The following EVC2 variants were observed in gnomAD, a reference collection of about 807,000 sequenced individuals.
EVC2 encodes limbin.
Under a neutral mutation model 149.3 loss-of-function variants are expected in EVC2, and 148 were observed. That is an observed-to-expected ratio of 0.99 (90% confidence interval 0.87 to 1.14). The LOEUF (loss-of-function observed/expected upper bound fraction) is 1.14. Among genes scored for constraint, EVC2 ranks in the 50% most tolerant of loss-of-function variants. The probability of loss-of-function intolerance (pLI) is 0.00; values close to 1 mark genes in which losing one functional copy is unlikely to be tolerated. For missense variants in EVC2, 1,854 were observed against 1,627.3 expected, an observed-to-expected ratio of 1.14 and a Z score of -2.40; for synonymous variants, 776 against 649.9, an observed-to-expected ratio of 1.19 and a Z score of -2.95.
chr4:5,595,660 C>T (rs993265421), intron 16 of EVC2, among the ~76,000 whole-genome samples: 8 of 152,152 alleles, frequency 5.3e-5, no homozygotes, highest in Admixed American at 2.6e-4. Context: ...ACTGCATCAA[C>T]TAACGAGCAA....
At chr4:5,546,300 A>C (rs1454103088) in intron 21 of EVC2, among the ~76,000 whole-genome samples, 1 of 152,244 alleles carries the variant, frequency 6.6e-6, no homozygotes, top group Non-Finnish European at 1.5e-5. Context: ...AATAGCAAAG[A>C]CTTGGAACCA....
intron 10 of EVC2, among the ~76,000 whole-genome samples, chr4:5,638,086 G>A (rs1273711216): frequency 6.6e-6 from 1 of 151,854 alleles, no homozygotes; most frequent in South Asian, 2.1e-4. Flanking sequence ...CATGTATTAC[G>A]TTTAAAGGTA....
At chr4:5,651,885 T>C (rs955354293) in intron 9 of EVC2, among the ~76,000 whole-genome samples, 2 of 152,242 alleles carry the variant, frequency 1.3e-5, no homozygotes, top group East Asian at 1.9e-4. Flanking sequence ...ATTTCCATCA[T>C]TGTCCCAGGT....
Position 5,694,805 on chromosome 4 carries a change from C to T in EVC2, c.284-304G>A, listed in dbSNP as rs551835920. 5.8e-4 allele frequency among the ~76,000 whole-genome samples: 88 copies of T among 152,322 alleles called. 2 individuals carry two copies. The highest frequency in any genetic ancestry group is 1.2e-3 in the Admixed American group (18 of 15,302). On this transcript the variant is annotated intron_variant, in intron 2 of 21. Transcript: ENST00000344408. ...TGATGCCTGGGTTGATTCTTACACA[C>T]ATGACATTAGACAGCCCTGGGCTTG...
the EVC2 span, among the ~76,000 whole-genome samples, chr4:5,534,112 A>G: frequency 8.0e-5 from 12 of 149,564 alleles, no homozygotes; most frequent in East Asian, 6.0e-4. Flanking sequence ...TTTAAAAAAG[A>G]TCAGCCTGGC....
At chr4:5,600,422 C>T (rs927096539) in intron 16 of EVC2, among the ~76,000 whole-genome samples, 11 of 152,112 alleles carry the variant, frequency 7.2e-5, no homozygotes, top group Non-Finnish European at 1.5e-4. Context: ...GAGGTTTCTT[C>T]ATTTCTAATG....
rs561514696 is a variant in EVC2, at chr4:5,687,143, G to T, written c.707-1664C>A. Among the ~76,000 whole-genome samples the T allele has an allele frequency of 5.9e-5, 9 of 152,278 alleles. No individual in the cohort carries two copies. In the South Asian group the frequency reaches 1.9e-3, roughly 32 times the overall value. On this transcript the variant is annotated intron_variant, in intron 5 of 21. Transcript: ENST00000344408. The stretch of plus-strand genomic sequence containing the variant: ...ATGGTGGCACACGCCTGTAGACCCA[G>T]CTACTTGGGAGGCTGAGGCAGGAGA...
At chr4:5,573,392 G>A (rs1414911768) in intron 19 of EVC2, among the ~76,000 whole-genome samples, 2 of 152,178 alleles carry the variant, frequency 1.3e-5, no homozygotes, top group African/African-American at 4.8e-5. Flanking sequence ...GAGGATGGAA[G>A]AAGGGCCAGA....
At chr4:5,634,826 T>C (rs921437244) in intron 10 of EVC2, among the ~76,000 whole-genome samples, 3 of 152,008 alleles carry the variant, frequency 2.0e-5, no homozygotes, top group Non-Finnish European at 4.4e-5. Flanking sequence ...TGAGGCTGCC[T>C]GGTGTGACAG....
intron 8 of EVC2, among the ~76,000 whole-genome samples, chr4:5,664,811 C>G (rs1340084045): frequency 3.3e-5 from 5 of 152,186 alleles, no homozygotes; most frequent in African/African-American, 7.2e-5. Flanking sequence ...CACCACCTCC[C>G]CTTTTGTCCT....
chr4:5,576,404 C>T lies in EVC2; in HGVS notation c.3108G>A (p.Glu1036=), dbSNP rs1722937690. 1 of 1,613,006 alleles carries T rather than the reference C, an allele frequency of 6.2e-7. No homozygotes were observed. The highest frequency in any genetic ancestry group is 1.3e-5 in the African/African-American group (1 of 74,908). ...RKLEDQLVQQ[E]AAQQQQALAS... is the part of the protein sequence containing the mutation. ...CCAGGGCCTGCTGCTGCTGGGCTGC[C>T]TCCTGCTGCACCAGCTGGTCCTCCA... The change falls in exon 18 of 22, where the codon GAG becomes GAA. Residue 1036 remains glutamate, a synonymous_variant. Transcript: ENST00000344408. This position sits in a 1 kb window ranked among gnomAD's most constrained non-coding sequence, Gnocchi z 4.5.
chr4:5,577,657 A>T (rs920569095), intron 17 of EVC2, among the ~76,000 whole-genome samples: 1 of 152,124 alleles, frequency 6.6e-6, no homozygotes, highest in African/African-American at 2.4e-5. Flanking sequence ...GACAGAAGAA[A>T]ATCCGCCAGA....
intron 21 of EVC2, among the ~76,000 whole-genome samples, chr4:5,552,510 G>A (rs1398165871): frequency 1.3e-5 from 2 of 152,166 alleles, no homozygotes; most frequent in Non-Finnish European, 2.9e-5. Flanking sequence ...AAAATACCCT[G>A]GAAGGGCTCC....
At chr4:5,673,573 G>T (rs1719803593) in intron 7 of EVC2, among the ~76,000 whole-genome samples, 1 of 149,784 alleles carries the variant, frequency 6.7e-6, no homozygotes, top group East Asian at 2.0e-4. Flanking sequence ...TTCCCCCCCA[G>T]AGTCCTCCTC....
chr4:5,582,943 T>G (rs564233375), intron 17 of EVC2, among the ~76,000 whole-genome samples: 100 of 152,322 alleles, frequency 6.6e-4, no homozygotes, highest in South Asian at 2.7e-3. Flanking sequence ...GATTGTAAGT[T>G]TCCTGAGTCC....
chr4:5,542,837 G>A lies in EVC2; in HGVS notation c.*158C>T, dbSNP rs538346769. 32 of 275,946 alleles carry A rather than the reference G, an allele frequency of 1.2e-4. No homozygotes were observed. In the East Asian group the frequency reaches 2.3e-3, roughly 20 times the overall value. 17.1% of individuals were successfully genotyped at this position (275,946 alleles called of 1,614,324 possible). A position where few individuals can be genotyped will look rare whatever the true frequency, so the allele number is the denominator to read the frequency against. ...ATGAGGGCCATGACATTGTGTCAGCGCAGTGTGCCCACAGCTGGGCTCATA... is the reference window on the plus strand; with the variant it reads ...ATGAGGGCCATGACATTGTGTCAGCACAGTGTGCCCACAGCTGGGCTCATA... On this transcript the variant is annotated 3_prime_UTR_variant and NMD_transcript_variant, in exon 23 of 23. Transcript: ENST00000475313.
chr4:5,693,169 G>A (rs370467879), intron 3 of EVC2, among the ~76,000 whole-genome samples: 1 of 152,186 alleles, frequency 6.6e-6, no homozygotes, highest in African/African-American at 2.4e-5. Context: ...AGTATGGAGG[G>A]TGCTGCCCTG....
intron 12 of EVC2, among the ~76,000 whole-genome samples, chr4:5,626,857 T>A (rs1430488019): frequency 6.6e-6 from 1 of 152,160 alleles, no homozygotes; most frequent in Non-Finnish European, 1.5e-5. Flanking sequence ...TTCCTGCCCT[T>A]GGACTGGGAC....
intron 9 of EVC2, among the ~76,000 whole-genome samples, chr4:5,653,351 A>G (rs569531302): frequency 6.6e-6 from 1 of 152,154 alleles, no homozygotes; most frequent in African/African-American, 2.4e-5. Flanking sequence ...ACAACATCCA[A>G]CTAGAAATGG....
Sources: gnomAD v4.1 joint callset for allele counts (sites outside exome capture counted in the v4.1 genomes callset) on GRCh38, gnomAD v4.1.1 for gene constraint, Gnocchi (gnomAD v3.1) non-coding constraint, MANE v1.5 for transcripts, NCBI Gene and HGNC (gene_info 2026-07-23, HGNC 2026-07-21) for gene names.